TLR1: variants seen among roughly 807,000 people sequenced by gnomAD.
TLR1 encodes toll-like receptor 1.
A neutral mutation model predicts 20.2 loss-of-function variants in TLR1; 19 were observed. The observed-to-expected ratio is 0.94, with a 90% CI of 0.66 to 1.38. The LOEUF is 1.38. TLR1 is among the 40% of genes most tolerant of loss of function. TLR1 has a pLI of 0.00. For synonymous variants in TLR1, 320 were observed against 334.5 expected, an observed-to-expected ratio of 0.96 and a Z score of 0.47; for missense variants, 921 against 910.0, an observed-to-expected ratio of 1.01 and a Z score of -0.16.
In TLR1 at chr4:38,796,859, T is replaced by G; in HGVS notation, c.1973A>C (p.Asn658Thr). The change falls in exon 4 of 4, where the codon AAC becomes ACC. Residue 658 changes from asparagine (N) to threonine (T), a missense_variant. Asn to Thr is a moderately conservative substitution (Grantham distance 65, BLOSUM62 0). Coordinates refer to ENST00000308979, the MANE Select transcript of TLR1 (RefSeq NM_003263.4). Reference sequence around the variant, plus strand: ...AATCTGCATACCTTCTTTCTCTAGGTTTGGCAATAATTCATTCTTCACCCA... The same window carrying G: ...AATCTGCATACCTTCTTTCTCTAGGGTTGGCAATAATTCATTCTTCACCCA... The part of the protein sequence containing the change: ...SFWVKNELLP[N>T]LEKEGMQICL... The G allele has an allele frequency of 6.2e-7, 1 of 1,614,244 alleles. No homozygotes were observed. Among genetic ancestry groups the G allele is most frequent in the Non-Finnish European group, 8.5e-7 (1 of 1,180,054 alleles).
downstream of TLR1, among the ~76,000 whole-genome samples, chr4:38,793,508 C>T (rs1268867188): frequency 4.6e-5 from 7 of 152,120 alleles, no homozygotes; most frequent in East Asian, 1.3e-3. Flanking sequence ...ATTTATCATA[C>T]TTTGGCCTGA....
chr4:38,794,767 G>A (rs977089318), downstream of TLR1: 1 of 151,926 alleles, frequency 6.6e-6, no homozygotes, highest in African/African-American at 2.4e-5. Context: ...AGTGTTCTCT[G>A]ATTGACTGTA....
intron 3 of TLR1, among the ~76,000 whole-genome samples, chr4:38,799,134 A>G (rs1726455416): frequency 6.6e-6 from 1 of 152,224 alleles, no homozygotes; most frequent in African/African-American, 2.4e-5. Context: ...GTGGCTCACC[A>G]AAAGATATGT....
At position 38,797,929 on chromosome 4, in the gene TLR1, G is replaced by T. The variant is rs954123242; in HGVS notation, c.903C>A (p.Ala301=). 1.2e-6 allele frequency: 2 copies of T among 1,614,016 alleles called. No individual in the cohort carries two copies. The highest frequency in any genetic ancestry group is 1.3e-5 in the African/African-American group (1 of 74,936). The change falls in exon 4 of 4, where the codon GCC becomes GCA. Residue 301 remains alanine (A), a synonymous_variant. Coordinates refer to ENST00000308979, the MANE Select transcript of TLR1 (RefSeq NM_003263.4). ...CGCTGACAACTTGGTGTATAGACAA[G>T]GCCTTCAAGGAAGTGCCAGAATAAT... ...DFDYSGTSLK[A]LSIHQVVSDV...
chr4:38,792,853 TTA>T (rs72518392), downstream of TLR1, among the ~76,000 whole-genome samples: 5,981 of 122,024 alleles, frequency 0.049, 378 homozygotes, highest in Middle Eastern at 0.2. Context: ...TATTTTCAAA[TTA>T]TATATATATA....
Position 38,798,150 on chromosome 4 carries a change from T to C in TLR1, c.682A>G (p.Asn228Asp). The change falls in exon 4 of 4, where the codon AAC (asparagine) becomes GAC (aspartate). Residue 228 changes from asparagine (N) to aspartate (D), a missense_variant. Coordinates refer to ENST00000308979, the MANE Select transcript of TLR1 (RefSeq NM_003263.4). Reference protein sequence around the residue: ...LSNIKCVLEDNKCSYFLSILA... With the variant: ...LSNIKCVLEDDKCSYFLSILA... Reference sequence around the variant, plus strand: ...ATACTTAGGAAGTAAGAACATTTGTTATCTTCTAGCACACATTTGATATTA... The same window carrying C: ...ATACTTAGGAAGTAAGAACATTTGTCATCTTCTAGCACACATTTGATATTA... 1 of 1,614,002 alleles carries C rather than the reference T, an allele frequency of 6.2e-7. No individual in the cohort carries two copies. Among genetic ancestry groups the C allele is most frequent in the Non-Finnish European group, 8.5e-7 (1 of 1,179,890 alleles).
intron 3 of TLR1, among the ~76,000 whole-genome samples, chr4:38,799,431 C>T (rs1056810137): frequency 2.0e-5 from 3 of 152,140 alleles, no homozygotes; most frequent in Admixed American, 6.5e-5. Context: ...CATCAACAGG[C>T]GCCAGAAGCT....
At chr4:38,788,312 C>T (rs867907988), downstream of TLR1, among the ~76,000 whole-genome samples, 7 of 152,130 alleles carry the variant, frequency 4.6e-5, no homozygotes, top group Middle Eastern at 3.4e-3. Context: ...AACAAGGGAG[C>T]GGTAAAGAGA....
Position 38,797,902 on chromosome 4 carries a change from A to G in TLR1, c.930T>C (p.Asp310=), listed in dbSNP as rs1726252208. Residue 310 remains aspartate (D), a synonymous_variant, in exon 4 of 4, where the codon GAT becomes GAC. Coordinates refer to ENST00000308979, the MANE Select transcript of TLR1 (RefSeq NM_003263.4). ...KALSIHQVVS[D]VFGFPQSYIY... The stretch of plus-strand genomic sequence containing the variant: ...TATAACTTTGCGGAAAACCGAACAC[A>G]TCGCTGACAACTTGGTGTATAGACA... 1 of 1,614,094 alleles carries G rather than the reference A, an allele frequency of 6.2e-7. No homozygotes were observed. The highest frequency in any genetic ancestry group is 8.5e-7 in the Non-Finnish European group (1 of 1,179,922).
chr4:38,802,257 G>A (rs1726717499), intron 2 of TLR1, among the ~76,000 whole-genome samples: 1 of 150,124 alleles, frequency 6.7e-6, no homozygotes, highest in Non-Finnish European at 1.5e-5. Context: ...TTTGCAGCCA[G>A]CATCAGGGAA....
At chr4:38,795,993 G>T (rs955111473), downstream of TLR1, among the ~76,000 whole-genome samples, 1 of 152,112 alleles carries the variant, frequency 6.6e-6, no homozygotes, top group Non-Finnish European at 1.5e-5. Flanking sequence ...GGGGGTTGGG[G>T]AGGAACCTTC....
chr4:38,803,937 A>C (rs1332470218), intron 2 of TLR1, among the ~76,000 whole-genome samples: 1 of 152,334 alleles, frequency 6.6e-6, no homozygotes, highest in Non-Finnish European at 1.5e-5. Flanking sequence ...GGAGGCATCA[A>C]ATCAAGGCTT....
chr4:38,802,839 T>A (rs1726763292), intron 2 of TLR1, among the ~76,000 whole-genome samples: 1 of 152,220 alleles, frequency 6.6e-6, no homozygotes, highest in Non-Finnish European at 1.5e-5. Flanking sequence ...ATAGAGAAGC[T>A]TACCATAGCC....
downstream of TLR1, among the ~76,000 whole-genome samples, chr4:38,794,968 G>A (rs565981198): frequency 1.3e-5 from 2 of 152,172 alleles, no homozygotes; most frequent in East Asian, 1.9e-4. Context: ...TTGGAGCAGC[G>A]ATCTCAGGAC....
rs556398793 is a variant in TLR1 at position 38,799,907 on chromosome 4, A to G, written c.-68+950T>C. On this transcript the variant is annotated intron_variant, in intron 3 of 3. Coordinates refer to ENST00000308979, the MANE Select transcript of TLR1 (RefSeq NM_003263.4). Reference sequence around the variant, plus strand: ...TGGAGATAGAGCAGTGAACAAGATAAAGTCCGAATTCTCAAGGAGTTTTTA... The same window carrying G: ...TGGAGATAGAGCAGTGAACAAGATAGAGTCCGAATTCTCAAGGAGTTTTTA... Among the ~76,000 whole-genome samples the G allele has an allele frequency of 2.0e-5, 3 of 152,318 alleles. No individual in the cohort carries two copies. The South Asian group carries it at 6.2e-4, about 32-fold the overall frequency.
In TLR1 at chr4:38,797,079, T is replaced by C. The variant is rs767387683; in HGVS notation, c.1753A>G (p.Thr585Ala). 18 of 1,614,082 alleles carry C rather than the reference T, an allele frequency of 1.1e-5. No homozygotes were observed. Among genetic ancestry groups the C allele is most frequent in the Middle Eastern group, 1.6e-4 (1 of 6,084 alleles). Residue 585 changes from threonine (T) to alanine (A), a missense_variant, in exon 4 of 4, where the codon ACC becomes GCC. Transcript: ENST00000308979. ...LSCNITLLIV[T>A]IVATMLVLAV... Reference sequence around the variant, plus strand: ...AACACCAGCATGGTGGCAACGATGGTGACGATCAGCAGAGTTATGTTGCAG... The same window carrying C: ...AACACCAGCATGGTGGCAACGATGGCGACGATCAGCAGAGTTATGTTGCAG...
Position 38,798,162 on chromosome 4 carries a change from C to T in TLR1, c.670G>A (p.Val224Met), listed in dbSNP as rs1560459443. ...ANLELSNIKC[V>M]LEDNKCSYFL... Reference sequence around the variant, plus strand: ...TAAGAACATTTGTTATCTTCTAGCACACATTTGATATTAGATAGTTCCAGA... The same window carrying T: ...TAAGAACATTTGTTATCTTCTAGCATACATTTGATATTAGATAGTTCCAGA... The change falls in exon 4 of 4, where the codon GTG (valine) becomes ATG (methionine). Residue 224 changes from valine (V) to methionine (M), a missense_variant. Val to Met is a conservative substitution (Grantham distance 21, BLOSUM62 1). Coordinates refer to ENST00000308979, the MANE Select transcript of TLR1 (RefSeq NM_003263.4). 6.2e-7 allele frequency: 1 copy of T among 1,614,064 alleles called. No individual in the cohort carries two copies. The highest frequency in any genetic ancestry group is 2.2e-5 in the East Asian group (1 of 44,882).
At position 38,798,107 on chromosome 4, in the gene TLR1, G is replaced by T; in HGVS notation, c.725C>A (p.Thr242Lys). Residue 242 changes from threonine to lysine, a missense_variant, in exon 4 of 4, where the codon ACA becomes AAA. By Grantham distance (78) the Thr-to-Lys change is moderately conservative. Coordinates refer to ENST00000308979, the MANE Select transcript of TLR1 (RefSeq NM_003263.4). The part of the protein sequence containing the change: ...YFLSILAKLQ[T>K]NPKLSNLTLN... Reference sequence around the variant, plus strand: ...GGTAAGATTTGATAACTTTGGATTTGTTTGAAGTTTCGCCAGAATACTTAG... The same window carrying T: ...GGTAAGATTTGATAACTTTGGATTTTTTTGAAGTTTCGCCAGAATACTTAG... 6.2e-7 allele frequency: 1 copy of T among 1,613,634 alleles called. No homozygotes were observed. The highest frequency in any genetic ancestry group is 8.5e-7 in the Non-Finnish European group (1 of 1,179,684).
At chr4:38,804,049 T>C (rs1726857073) in intron 2 of TLR1, among the ~76,000 whole-genome samples, 1 of 152,246 alleles carries the variant, frequency 6.6e-6, no homozygotes, top group South Asian at 2.1e-4. Context: ...ACCAAATAGC[T>C]ATTAACCAAA....
Sources: gnomAD v4.1 joint callset for allele counts (sites outside exome capture counted in the v4.1 genomes callset) on GRCh38, gnomAD v4.1.1 for gene constraint, MANE v1.5 for transcripts, NCBI Gene and HGNC (gene_info 2026-07-23, HGNC 2026-07-21) for gene names.